OLAH: variants seen among roughly 807,000 people sequenced by gnomAD.
OLAH encodes the protein S-acyl fatty acid synthase thioesterase, medium chain.
In OLAH, 33 loss-of-function variants were observed where a neutral mutation model predicts 27.8. The observed-to-expected ratio is 1.19, with a 90% CI of 0.90 to 1.59. OLAH has a LOEUF of 1.59. Ranked by LOEUF, OLAH falls within the 40% of genes most tolerant of loss-of-function variation. The pLI is 0.00. For synonymous variants in OLAH, 120 were observed against 102.9 expected, an observed-to-expected ratio of 1.17 and a Z score of -1.01; for missense variants, 359 against 310.8, an observed-to-expected ratio of 1.16 and a Z score of -1.17.
rs943186297 is a variant in OLAH at position 15,062,704 on chromosome 10, A to G, written c.302+842A>G. 4.0e-5 allele frequency among the ~76,000 whole-genome samples: 6 copies of G among 150,074 alleles called. No homozygotes were observed. In the East Asian group the frequency reaches 5.8e-4, roughly 15 times the overall value. On this transcript the variant is annotated intron_variant, in intron 4 of 7. Coordinates refer to ENST00000378228, the MANE Select transcript of OLAH (RefSeq NM_001039702.3). ...CCTTTTGTGGATATGAGCTATTTCT[A>G]TCTTTTTCTGTTATAAACAATAGTC...
At chr10:15,059,323 A>G (rs1844316997) in intron 3 of OLAH, among the ~76,000 whole-genome samples, 1 of 149,772 alleles carries the variant, frequency 6.7e-6, no homozygotes, top group African/African-American at 2.5e-5. Context: ...AGTAGCTGGG[A>G]CTACAGATGT....
chr10:15,038,952 G>A (rs1455561220), upstream of OLAH, among the ~76,000 whole-genome samples: 1 of 152,174 alleles, frequency 6.6e-6, no homozygotes, highest in African/African-American at 2.4e-5. Flanking sequence ...GCTGGGTGCA[G>A]TGGTTCACGC....
chr10:15,049,890 T>C (rs1589241273), intron 3 of OLAH, 125 bp downstream of exon 3: 1 of 871,718 alleles, frequency 1.1e-6, no homozygotes, highest in Non-Finnish European at 1.7e-6. Context: ...TTCAAGATTA[T>C]GCTTCAATAG....
intron 1 of OLAH, among the ~76,000 whole-genome samples, chr10:15,033,678 C>T (rs1432920184): frequency 6.6e-6 from 1 of 152,248 alleles, no homozygotes; most frequent in African/African-American, 2.4e-5. Flanking sequence ...TGGGCATTCT[C>T]ATTGCAAGAT....
At chr10:15,055,945 G>A (rs1443142697) in intron 3 of OLAH, among the ~76,000 whole-genome samples, 2 of 151,878 alleles carry the variant, frequency 1.3e-5, no homozygotes, top group African/African-American at 4.8e-5. Flanking sequence ...CACCTCCTGG[G>A]TTCAAGCGAT....
At chr10:15,041,331 T>C (rs1389697366), upstream of OLAH, among the ~76,000 whole-genome samples, 2 of 151,754 alleles carry the variant, frequency 1.3e-5, no homozygotes, top group South Asian at 2.1e-4. Flanking sequence ...CAGGCTGGAG[T>C]GCAATGGTGC....
rs867199978 is a variant in OLAH at position 15,051,078 on chromosome 10, A to T, written c.163+1313A>T. On this transcript the variant is annotated intron_variant, in intron 3 of 7. Transcript: ENST00000378228. ...AAGACTGTTTATTATTATTATTATT[A>T]TTTTTTTTTTTTTTTGAGATGGAGT... is the stretch of plus-strand genomic sequence containing the variant. Among the ~76,000 whole-genome samples, 685 of 134,830 alleles carry T rather than the reference A, an allele frequency of 5.1e-3. 6 individuals are homozygous for T. The highest frequency in any genetic ancestry group is 0.013 in the African/African-American group (452 of 35,034). 88.5% of individuals were successfully genotyped at this position (134,830 alleles called of 152,430 possible).
At chr10:15,061,656 C>T in intron 3 of OLAH, 68 bp from the exon 4 acceptor site, 2 of 1,382,150 alleles carry the variant, frequency 1.4e-6, no homozygotes, top group Non-Finnish European at 1.9e-6. Flanking sequence ...TAAATATGAG[C>T]CCTTTTATAA....
chr10:15,073,007 C>A, intron 7 of OLAH, 80 bp from the exon 8 acceptor site: 1 of 1,360,970 alleles, frequency 7.3e-7, no homozygotes, highest in Non-Finnish European at 1.0e-6. Flanking sequence ...AGGGTGTCAG[C>A]TCTTAAAGAA....
At chr10:15,033,798 C>T (rs1048698371) in intron 1 of OLAH, among the ~76,000 whole-genome samples, 1 of 151,986 alleles carries the variant, frequency 6.6e-6, no homozygotes, top group Non-Finnish European at 1.5e-5. Context: ...CTGAACTGAC[C>T]CTTTTATAAG....
At chr10:15,068,518 G>A (rs550565491) in intron 6 of OLAH, among the ~76,000 whole-genome samples, 26 of 152,108 alleles carry the variant, frequency 1.7e-4, no homozygotes, top group South Asian at 1.0e-3. Context: ...TCAGCCTCCC[G>A]AGTAGCTGGG....
intron 7 of OLAH, among the ~76,000 whole-genome samples, chr10:15,072,093 C>G (rs1033811942): frequency 1.3e-5 from 2 of 152,110 alleles, no homozygotes; most frequent in Non-Finnish European, 2.9e-5. Context: ...GCCACCATAC[C>G]CGGCTATTTT....
intron 2 of OLAH, 88 bp downstream of exon 2, chr10:15,047,408 A>G (rs757610238): frequency 1.3e-5 from 17 of 1,351,828 alleles, no homozygotes; most frequent in Non-Finnish European, 1.8e-5. Flanking sequence ...TTAGTTTGAA[A>G]GAGGTTTCTC....
Position 15,064,675 on chromosome 10 carries a change from C to T in OLAH, c.402+173C>T, listed in dbSNP as rs145514516. ...GGTTTTTGCCACTACTTTCTTTTTC[C>T]GAGATGGAGTCTCATTCTGCTGCCC... is the stretch of plus-strand genomic sequence containing the variant. On this transcript the variant is annotated intron_variant, in intron 5 of 7. Transcript: ENST00000378228. 6.1e-3 allele frequency among the ~76,000 whole-genome samples: 933 copies of T among 152,162 alleles called. 10 individuals carry two copies. Among genetic ancestry groups the T allele is most frequent in the African/African-American group, 0.021 (892 of 41,522 alleles).
chr10:15,057,686 C>G (rs111797425), intron 3 of OLAH, among the ~76,000 whole-genome samples: 1 of 151,962 alleles, frequency 6.6e-6, no homozygotes, highest in East Asian at 1.9e-4. Flanking sequence ...GTGCCTGGGC[C>G]GGGTTCTCTA....
chr10:15,055,273 C>T (rs1246668189), intron 3 of OLAH, among the ~76,000 whole-genome samples: 3 of 152,236 alleles, frequency 2.0e-5, no homozygotes, highest in Non-Finnish European at 2.9e-5. Context: ...AAGAATACGT[C>T]ATTCCACTGG....
At chr10:15,047,445 A>AAAGT in intron 2 of OLAH, 125 bp downstream of exon 2, 1 of 958,894 alleles carries the variant, frequency 1.0e-6, no homozygotes, top group Non-Finnish European at 1.6e-6. Flanking sequence ...TTGTAATCCC[A>AAAGT]GCACTTTGGG....
chr10:15,046,119 G>A (rs1844011520), intron 1 of OLAH, among the ~76,000 whole-genome samples: 1 of 151,990 alleles, frequency 6.6e-6, no homozygotes, highest in Admixed American at 6.6e-5. Context: ...GCTGACGTGG[G>A]TGGATCACTT....
At chr10:15,069,479 G>A (rs1844537685) in intron 6 of OLAH, among the ~76,000 whole-genome samples, 3 of 152,146 alleles carry the variant, frequency 2.0e-5, no homozygotes, top group Admixed American at 1.3e-4. Flanking sequence ...CAGTCCAATT[G>A]CCACAGCTAA....
Sources: allele counts gnomAD v4.1 joint callset (sites outside exome capture counted in the v4.1 genomes callset), GRCh38; gene constraint gnomAD v4.1.1; transcripts MANE v1.5; gene names NCBI Gene and HGNC (gene_info 2026-07-23, HGNC 2026-07-21).